Variants in MAB21L3 observed in about 807,000 individuals in gnomAD.
MAB21L3 encodes protein mab-21-like 3.
A neutral mutation model predicts 37.7 loss-of-function variants in MAB21L3; 36 were observed. That is an observed-to-expected ratio of 0.96 (90% CI 0.73 to 1.26). The LOEUF is 1.26. Ranked by LOEUF, MAB21L3 falls within the 50% of genes most tolerant of loss-of-function variation. The probability of loss-of-function intolerance (pLI) is 0.00; values close to 1 mark genes in which losing one functional copy is unlikely to be tolerated. For synonymous variants in MAB21L3, 186 were observed against 176.8 expected, an observed-to-expected ratio of 1.05 and a Z score of -0.41; for missense variants, 430 against 447.3, an observed-to-expected ratio of 0.96 and a Z score of 0.35.
In MAB21L3 at chr1:116,133,185, C is replaced by T. The variant is rs1288663389; in HGVS notation, c.909C>T (p.Val303=). ...EKYPHFKDWQ[V]FSKAFLRLVR... is the part of the protein sequence containing the mutation. Reference sequence around the variant, plus strand: ...ATCCCCACTTTAAAGACTGGCAGGTCTTCAGCAAAGCATTTCTGCGCCTGG... The same window carrying T: ...ATCCCCACTTTAAAGACTGGCAGGTTTTCAGCAAAGCATTTCTGCGCCTGG... The change falls in exon 8 of 8, where the codon GTC becomes GTT. Residue 303 remains valine (V), a synonymous_variant. Coordinates refer to ENST00000369500, the MANE Select transcript of MAB21L3 (RefSeq NM_152367.3). The T allele has an allele frequency of 7.4e-6, 12 of 1,614,102 alleles. No individual in the cohort carries two copies. Among genetic ancestry groups the T allele is most frequent in the Non-Finnish European group, 1.0e-5 (12 of 1,180,050 alleles).
chr1:116,121,808 C>G (rs1379083554), intron 4 of MAB21L3, among the ~76,000 whole-genome samples: 5 of 152,224 alleles, frequency 3.3e-5, no homozygotes, highest in Admixed American at 6.5e-5. Context: ...GAGAAACGAC[C>G]TTACTTAAAC....
At position 116,133,255 on chromosome 1, in the gene MAB21L3, T is replaced by C. The variant is rs202050361; in HGVS notation, c.979T>C (p.Tyr327His). The C allele has an allele frequency of 4.3e-6, 7 of 1,614,132 alleles. No homozygotes were observed. Among genetic ancestry groups the C allele is most frequent in the Non-Finnish European group, 5.9e-6 (7 of 1,180,022 alleles). ...KCVSQHFLKH[Y>H]FVRNSNLFQC... ...CGTGAGCCAGCACTTCCTGAAACAC[T>C]ATTTCGTCCGGAACAGCAACCTCTT... The change falls in exon 8 of 8, where the codon TAT becomes CAT. Residue 327 changes from tyrosine to histidine, a missense_variant. Tyr to His is a moderately conservative substitution (Grantham distance 83). Transcript: ENST00000369500.
At chr1:116,133,065 A>T in intron 7 of MAB21L3, 67 bp from the exon 8 acceptor site, 20 of 1,317,018 alleles carry the variant, frequency 1.5e-5, no homozygotes, top group Non-Finnish European at 1.9e-5. Flanking sequence ...TAAGCTCAAT[A>T]ATTGTTTCCA....
rs1475281883 is a variant in MAB21L3, at chr1:116,135,497, A to T, written c.*2132A>T. 6.6e-6 allele frequency among the ~76,000 whole-genome samples: 1 copy of T among 152,074 alleles called. No individual in the cohort carries two copies. The highest frequency in any genetic ancestry group is 2.4e-5 in the African/African-American group (1 of 41,410). On this transcript the variant is annotated 3_prime_UTR_variant, in exon 8 of 8. Coordinates refer to ENST00000369500, the MANE Select transcript of MAB21L3 (RefSeq NM_152367.3). ...TGTGGCAATAATCAATAGCTTACCA[A>T]CCAAAAAGAGTCCAGGACCAGATGG...
chr1:116,125,248 T>C (rs1659870643), intron 5 of MAB21L3, among the ~76,000 whole-genome samples: 1 of 152,196 alleles, frequency 6.6e-6, no homozygotes, highest in South Asian at 2.1e-4. Flanking sequence ...TAAATTGGTG[T>C]CTCCTTTTTA....
At chr1:116,126,865 G>C (rs186407595) in intron 5 of MAB21L3, among the ~76,000 whole-genome samples, 3 of 152,052 alleles carry the variant, frequency 2.0e-5, no homozygotes, top group Admixed American at 1.3e-4. Context: ...CCCATACTTC[G>C]AGTACCCATA....
chr1:116,124,890 TAC>T (rs59565874), intron 5 of MAB21L3, among the ~76,000 whole-genome samples: 19 of 115,968 alleles, frequency 1.6e-4, no homozygotes, highest in South Asian at 2.5e-4. Context: ...CACACACACA[TAC>T]ACACACACAC....
intron 6 of MAB21L3, among the ~76,000 whole-genome samples, 197 bp from the exon 7 acceptor site, chr1:116,127,948 G>A (rs1043615831): frequency 3.9e-5 from 6 of 152,164 alleles, no homozygotes. Context: ...CTGTAGGAGA[G>A]GAAGTGGGCA....
chr1:116,124,612 G>C (rs1484656971), intron 5 of MAB21L3, among the ~76,000 whole-genome samples: 1 of 152,148 alleles, frequency 6.6e-6, no homozygotes, highest in Non-Finnish European at 1.5e-5. Flanking sequence ...GATATAAAAT[G>C]CTGTGGATTA....
chr1:116,124,021 G>T (rs375920723), intron 4 of MAB21L3, 45 bp from the exon 5 acceptor site: 1 of 1,548,272 alleles, frequency 6.5e-7, no homozygotes, highest in African/African-American at 1.4e-5. Context: ...GTTACCTCCC[G>T]AATCTGTGAA....
intron 3 of MAB21L3, among the ~76,000 whole-genome samples, chr1:116,116,609 A>G (rs545239039): frequency 1.1e-4 from 17 of 152,306 alleles, no homozygotes; most frequent in African/African-American, 3.6e-4. Flanking sequence ...AGTGTGATGG[A>G]AAGAAGTGTT....
chr1:116,119,491 G>A (rs912291857), intron 3 of MAB21L3, among the ~76,000 whole-genome samples: 4 of 152,024 alleles, frequency 2.6e-5, no homozygotes, highest in Non-Finnish European at 5.9e-5. Flanking sequence ...TTTTCTGGCT[G>A]TCGTGATCAG....
In MAB21L3 at chr1:116,124,314, C is replaced by A; in HGVS notation, c.438C>A (p.Phe146Leu). 1 of 1,613,996 alleles carries A rather than the reference C, an allele frequency of 6.2e-7. No homozygotes were observed. ...DIVPAKVLLV[F>L]RKLVENAVRT... ...TGCCTGCCAAGGTCCTCCTAGTGTT[C>A]CGGAAGCTGGTGGAAAATGCAGTTA... Residue 146 changes from phenylalanine (F) to leucine (L), a missense_variant, in exon 5 of 8, where the codon TTC becomes TTA. Coordinates refer to ENST00000369500, the MANE Select transcript of MAB21L3 (RefSeq NM_152367.3).
At chr1:116,130,820 G>T (rs1225659619) in intron 7 of MAB21L3, among the ~76,000 whole-genome samples, 1 of 152,172 alleles carries the variant, frequency 6.6e-6, no homozygotes, top group East Asian at 1.9e-4. Flanking sequence ...GCCCCAGTTT[G>T]CTTAGGGAGA....
rs1193281948 is a variant in MAB21L3, at chr1:116,124,057, T to C, written c.190-9T>C. 2 of 1,590,236 alleles carry C rather than the reference T, an allele frequency of 1.3e-6. No homozygotes were observed. Among genetic ancestry groups the C allele is most frequent in the Non-Finnish European group, 1.7e-6 (2 of 1,166,304 alleles). ...TTCATGCTTGTTTTCAATCCTTTCC[T>C]GACCCTAGGTTTTGGCTCCCAGTCA... is the stretch of plus-strand genomic sequence containing the variant. On this transcript the variant is annotated splice_polypyrimidine_tract_variant and intron_variant, in intron 4 of 7. Transcript: ENST00000369500.
chr1:116,124,493 A>G, intron 5 of MAB21L3, 136 bp downstream of exon 5: 1 of 808,918 alleles, frequency 1.2e-6, no homozygotes, highest in East Asian at 2.7e-5. Flanking sequence ...CATTTATTTA[A>G]TCTTCATAAT....
chr1:116,115,564 G>C (rs1299738224), intron 3 of MAB21L3, among the ~76,000 whole-genome samples: 1 of 152,156 alleles, frequency 6.6e-6, no homozygotes, highest in African/African-American at 2.4e-5. Flanking sequence ...CACTCATTGG[G>C]AATGACATAC....
intron 3 of MAB21L3, among the ~76,000 whole-genome samples, chr1:116,115,238 G>T (rs954123491): frequency 6.6e-6 from 1 of 152,140 alleles, no homozygotes; most frequent in African/African-American, 2.4e-5. Context: ...TTAGTTTCAC[G>T]GTAATGCTGC....
intron 3 of MAB21L3, among the ~76,000 whole-genome samples, chr1:116,118,145 A>G (rs548533584): frequency 6.6e-6 from 1 of 152,236 alleles, no homozygotes; most frequent in Admixed American, 6.5e-5. Flanking sequence ...GCACTTTGGG[A>G]GGCCAAGGTG....
Sources: gnomAD v4.1 joint callset for allele counts (sites outside exome capture counted in the v4.1 genomes callset) on GRCh38, gnomAD v4.1.1 for gene constraint, MANE v1.5 for transcripts, NCBI Gene and HGNC (gene_info 2026-07-23, HGNC 2026-07-21) for gene names.